HPD: variants seen among roughly 807,000 people sequenced by gnomAD.
HPD encodes 4-hydroxyphenylpyruvate dioxygenase.
In HPD, 35 loss-of-function variants were observed where a neutral mutation model predicts 56.9. The observed-to-expected ratio is 0.62, with a 90% CI of 0.47 to 0.82. The LOEUF (loss-of-function observed/expected upper bound fraction) is 0.82, where lower values mean the gene tolerates loss of function less well. Among genes scored for constraint, HPD ranks in the 40% least tolerant of loss-of-function variants. HPD has a pLI of 0.00. For missense variants in HPD, 442 were observed against 506.8 expected (o/e 0.87, Z 1.23); for synonymous variants, 186 against 200.2 (o/e 0.93, Z 0.60).
intron 6 of HPD, among the ~76,000 whole-genome samples, chr12:121,855,808 T>C (rs1486871851): frequency 6.6e-6 from 1 of 151,026 alleles, no homozygotes; most frequent in Non-Finnish European, 1.5e-5. Flanking sequence ...CCATCTCTAC[T>C]AAAAATACAA....
At chr12:121,861,621 C>G (rs1878175970), upstream of HPD, among the ~76,000 whole-genome samples, 1 of 152,154 alleles carries the variant, frequency 6.6e-6, no homozygotes, top group Non-Finnish European at 1.5e-5. Context: ...GAAAAAGAGG[C>G]AATCTCTAAA....
At chr12:121,849,868 C>T (rs1292475127) in intron 7 of HPD, 78 bp from the exon 8 acceptor site, 33 of 946,026 alleles carry the variant, frequency 3.5e-5, no homozygotes, top group Non-Finnish European at 4.6e-5. Context: ...ATAGCGCTAA[C>T]GTAGCCCCGG....
intron 7 of HPD, among the ~76,000 whole-genome samples, chr12:121,853,226 C>T (rs1389311384): frequency 6.6e-6 from 1 of 151,962 alleles, no homozygotes; most frequent in African/African-American, 2.4e-5. Context: ...TAACAGATGC[C>T]GGGCTTAATA....
At chr12:121,868,259 T>A (rs780581074), upstream of HPD, among the ~76,000 whole-genome samples, 23 of 152,184 alleles carry the variant, frequency 1.5e-4, no homozygotes, top group Non-Finnish European at 2.9e-4. Flanking sequence ...CAAGGGAGAA[T>A]GAGTCTTGGT....
Position 121,858,712 on chromosome 12 carries a change from G to A in HPD, c.5C>T (p.Thr2Met), listed in dbSNP as rs774495352. Reference sequence around the variant, plus strand: ...CTTTGCCCCTTTGTCACTGTAAGTCGTCTAAGGAGAAAAAGAAGGACAGTG... The same window carrying A: ...CTTTGCCCCTTTGTCACTGTAAGTCATCTAAGGAGAAAAAGAAGGACAGTG... M[T>M]TYSDKGAKPE... Residue 2 changes from threonine (T) to methionine (M), a missense_variant and splice_region_variant, in exon 2 of 14, where the codon ACG (threonine) becomes ATG (methionine). Coordinates refer to ENST00000289004, the MANE Select transcript of HPD (RefSeq NM_002150.3). 3.8e-5 allele frequency: 62 copies of A among 1,613,968 alleles called. No homozygotes were observed. Among genetic ancestry groups the A allele is most frequent in the East Asian group, 2.9e-4 (13 of 44,898 alleles).
At chr12:121,841,645 A>G (rs1877410382) in intron 12 of HPD, among the ~76,000 whole-genome samples, 1 of 152,104 alleles carries the variant, frequency 6.6e-6, no homozygotes, top group Non-Finnish European at 1.5e-5. Flanking sequence ...AGCACATGCT[A>G]TGGGAAAGAA....
At chr12:121,865,263 CTT>C (rs1328987508), upstream of HPD, among the ~76,000 whole-genome samples, 1 of 22,904 alleles carries the variant, frequency 4.4e-5, no homozygotes, top group Non-Finnish European at 8.9e-5. Flanking sequence ...GCGACACTCT[CTT>C]TCTTTCTTTC....
intron 12 of HPD, among the ~76,000 whole-genome samples, chr12:121,840,433 T>G (rs1190394278): frequency 6.6e-6 from 1 of 152,130 alleles, no homozygotes; most frequent in East Asian, 1.9e-4. Context: ...CCCGAGTAGC[T>G]GGGACTACAG....
chr12:121,844,929 A>T (rs1420488230), intron 11 of HPD, among the ~76,000 whole-genome samples: 1 of 151,480 alleles, frequency 6.6e-6, no homozygotes, highest in Admixed American at 6.6e-5. Context: ...TAAAATACAA[A>T]AAAAGTTATC....
At chr12:121,868,957 T>C in the HPD span, among the ~76,000 whole-genome samples, 1 of 152,190 alleles carries the variant, frequency 6.6e-6, no homozygotes, top group Non-Finnish European at 1.5e-5. Flanking sequence ...GGCACGATCA[T>C]ATTTCACTGT....
At position 121,839,527 on chromosome 12, in the gene HPD, T is replaced by C; in HGVS notation, c.*201A>G. On this transcript the variant is annotated 3_prime_UTR_variant, in exon 14 of 14. Coordinates refer to ENST00000289004, the MANE Select transcript of HPD (RefSeq NM_002150.3). The stretch of plus-strand genomic sequence containing the variant: ...GCGCAACACAAACACAGACACAGTA[T>C]TGGACCGGGGCACGCTTTAATCGGG... 1 of 618,912 alleles carries C rather than the reference T, an allele frequency of 1.6e-6. No individual in the cohort carries two copies. Among genetic ancestry groups the C allele is most frequent in the Non-Finnish European group, 2.9e-6 (1 of 347,042 alleles). The allele number at this position is 618,912 out of a possible 1,614,324, so 38.3% of individuals were successfully genotyped here. A position where few individuals can be genotyped will look rare whatever the true frequency, so the allele number is the denominator to read the frequency against.
chr12:121,859,302 G>T (rs541950115), upstream of HPD: 30 of 259,746 alleles, frequency 1.2e-4, 1 homozygote, highest in South Asian at 1.4e-3. Context: ...TTGCATCCTG[G>T]CTCTGTTACA....
At chr12:121,875,701 C>T in the HPD span, among the ~76,000 whole-genome samples, 1 of 152,144 alleles carries the variant, frequency 6.6e-6, no homozygotes, top group African/African-American at 2.4e-5. Context: ...GTTGGGATTA[C>T]AGGCATGAGC....
At position 121,839,776 on chromosome 12, in the gene HPD, C is replaced by T. The variant is rs139024632; in HGVS notation, c.1134G>A (p.Arg378=). ...FKAFEEEQNL[R]GNLTNMETNG... Reference sequence around the variant, plus strand: ...TGGTCTCCATGTTGGTGAGGTTACCCCGCAGGTTCTGCTCCTCCTCGAAAG... The same window carrying T: ...TGGTCTCCATGTTGGTGAGGTTACCTCGCAGGTTCTGCTCCTCCTCGAAAG... Residue 378 remains arginine (R), a synonymous_variant, in exon 14 of 14, where the codon CGG becomes CGA. Coordinates refer to ENST00000289004, the MANE Select transcript of HPD (RefSeq NM_002150.3). 1.2e-4 allele frequency: 200 copies of T among 1,614,094 alleles called. No individual in the cohort carries two copies. The highest frequency in any genetic ancestry group is 1.6e-4 in the Non-Finnish European group (186 of 1,180,040).
the HPD span, among the ~76,000 whole-genome samples, chr12:121,878,297 A>T: frequency 6.6e-6 from 1 of 152,156 alleles, no homozygotes; most frequent in African/African-American, 2.4e-5. Context: ...ATAGCTCTGA[A>T]TTGTCACAAA....
In HPD at chr12:121,844,805, C is replaced by T. The variant is rs945530541; in HGVS notation, c.832-973G>A. On this transcript the variant is annotated intron_variant, in intron 11 of 13. Transcript: ENST00000289004. ...CTGAGGCAGGAGAATGGCGTAAACC[C>T]GGGAGGCAGAGCTTGCAGTGAGCCG... Among the ~76,000 whole-genome samples the T allele has an allele frequency of 7.3e-5, 11 of 151,586 alleles. No individual in the cohort carries two copies. In the East Asian group the frequency reaches 7.7e-4, roughly 11 times the overall value.
At chr12:121,884,645 GTTTA>G in the HPD span, among the ~76,000 whole-genome samples, 1 of 151,608 alleles carries the variant, frequency 6.6e-6, no homozygotes, top group Non-Finnish European at 1.5e-5. Context: ...AGAAATGTTA[GTTTA>G]TTTTTCTACC....
chr12:121,850,367 C>T (rs1877725902), intron 7 of HPD, among the ~76,000 whole-genome samples: 2 of 150,274 alleles, frequency 1.3e-5, no homozygotes, highest in Non-Finnish European at 3.0e-5. Flanking sequence ...GCAGAGCTTG[C>T]AGTGAGCAGA....
intron 7 of HPD, among the ~76,000 whole-genome samples, chr12:121,850,698 T>C (rs1361851223): frequency 7.0e-6 from 1 of 142,618 alleles, no homozygotes; most frequent in Admixed American, 7.0e-5. Context: ...TAGCCTTTTT[T>C]TTTTTTTTTT....
Sources: gnomAD v4.1 joint callset for allele counts (sites outside exome capture counted in the v4.1 genomes callset) on GRCh38, gnomAD v4.1.1 for gene constraint, MANE v1.5 for transcripts, NCBI Gene and HGNC (gene_info 2026-07-23, HGNC 2026-07-21) for gene names.